MTUS2: variants seen among roughly 807,000 people sequenced by gnomAD.
MTUS2 encodes microtubule associated scaffold protein 2.
Under a neutral mutation model 114.1 loss-of-function variants are expected in MTUS2, and 40 were observed. That is an observed-to-expected ratio of 0.35 (90% CI 0.27 to 0.46). MTUS2 has a LOEUF of 0.46. Ranked by LOEUF, MTUS2 falls within the 20% of genes least tolerant of loss-of-function variation. The probability of loss-of-function intolerance (pLI) is 1.00; values close to 1 mark genes in which losing one functional copy is unlikely to be tolerated. For missense variants in MTUS2, 1,679 were observed against 1,705.4 expected (o/e 0.98, Z 0.27); for synonymous variants, 688 against 672.0 (o/e 1.02, Z -0.37).
At chr13:28,967,630 C>T (rs1285737564) in intron 2 of MTUS2, among the ~76,000 whole-genome samples, 4 of 152,134 alleles carry the variant, frequency 2.6e-5, no homozygotes, top group Non-Finnish European at 4.4e-5. Context: ...TGGGTCATAG[C>T]ATTAGACACT....
chr13:29,350,960 CATATAT>C (rs56192034), intron 7 of MTUS2, among the ~76,000 whole-genome samples: 72,829 of 128,582 alleles, frequency 0.57, 23,677 homozygotes, highest in East Asian at 0.83. Context: ...ATATATATTT[CATATAT>C]ATATATATAT....
intron 7 of MTUS2, among the ~76,000 whole-genome samples, chr13:29,325,510 AAGGAGG>A (rs1164932814): frequency 1.0e-4 from 12 of 119,208 alleles, no homozygotes; most frequent in African/African-American, 3.9e-4. Flanking sequence ...GGAGGAGGAG[AAGGAGG>A]AGGAGGAGGG....
At chr13:29,358,671 G>T (rs1374472051) in intron 7 of MTUS2, among the ~76,000 whole-genome samples, 1 of 152,180 alleles carries the variant, frequency 6.6e-6, no homozygotes, top group Non-Finnish European at 1.5e-5. Flanking sequence ...TGGAGGAGGC[G>T]TCAAGTCACA....
intron 2 of MTUS2, among the ~76,000 whole-genome samples, chr13:29,015,810 AT>A (rs1358336642): frequency 6.6e-6 from 1 of 152,168 alleles, no homozygotes; most frequent in Non-Finnish European, 1.5e-5. Flanking sequence ...AAAGTGAAAA[AT>A]TGGGGTTATA....
chr13:29,070,509 T>C (rs778749294), intron 4 of MTUS2, among the ~76,000 whole-genome samples: 36 of 152,160 alleles, frequency 2.4e-4, no homozygotes, highest in Non-Finnish European at 4.7e-4. Context: ...TATTCTTTTG[T>C]AGGTGATCTG....
At chr13:29,315,296 C>G (rs985946807) in intron 6 of MTUS2, among the ~76,000 whole-genome samples, 1 of 152,094 alleles carries the variant, frequency 6.6e-6, no homozygotes, top group Non-Finnish European at 1.5e-5. Context: ...TGCATATTTT[C>G]AAGTAGCTAG....
chr13:29,104,017 G>A (rs1222568339), intron 5 of MTUS2, among the ~76,000 whole-genome samples: 1 of 151,714 alleles, frequency 6.6e-6, no homozygotes, highest in East Asian at 1.9e-4. Flanking sequence ...ATGTGGAAAC[G>A]GGAGCCCCAT....
intron 2 of MTUS2, among the ~76,000 whole-genome samples, chr13:29,021,582 A>G (rs960597986): frequency 5.9e-5 from 9 of 152,186 alleles, no homozygotes; most frequent in African/African-American, 2.2e-4. Flanking sequence ...TCTTGGCTGC[A>G]TATTTATACT....
intron 8 of MTUS2, among the ~76,000 whole-genome samples, chr13:29,371,906 A>G (rs901880926): frequency 2.0e-5 from 3 of 151,098 alleles, no homozygotes; most frequent in Non-Finnish European, 4.4e-5. Context: ...CATGGTGATT[A>G]CAGTTAATAA....
intron 8 of MTUS2, among the ~76,000 whole-genome samples, chr13:29,375,905 G>A (rs1197266798): frequency 6.6e-5 from 10 of 151,578 alleles, no homozygotes; most frequent in African/African-American, 2.4e-4. Flanking sequence ...ACACTACTCA[G>A]GTGATGGGTG....
chr13:29,062,081 T>A (rs1888446540), intron 4 of MTUS2, among the ~76,000 whole-genome samples: 1 of 152,188 alleles, frequency 6.6e-6, no homozygotes, highest in African/African-American at 2.4e-5. Context: ...GCCTCCAGGA[T>A]TCAAGCAATT....
chr13:29,443,614 T>C (rs60701233), intron 9 of MTUS2, among the ~76,000 whole-genome samples: 7,324 of 152,312 alleles, frequency 0.048, 576 homozygotes, highest in African/African-American at 0.17. Context: ...GCACCCAGTC[T>C]GCAGCTGAGA....
At chr13:29,271,317 T>C (rs9314946) in intron 5 of MTUS2, among the ~76,000 whole-genome samples, 20 of 152,228 alleles carry the variant, frequency 1.3e-4, no homozygotes, top group Non-Finnish European at 2.6e-4. Context: ...TACTGTCTTC[T>C]TCCATCTATC....
At chr13:29,353,134 A>G (rs926052018) in intron 7 of MTUS2, among the ~76,000 whole-genome samples, 2 of 152,160 alleles carry the variant, frequency 1.3e-5, no homozygotes, top group Non-Finnish European at 2.9e-5. Flanking sequence ...GATGACAGGC[A>G]TTATGAATTT....
At chr13:29,466,679 C>CCAG (rs1470599812) in intron 9 of MTUS2, among the ~76,000 whole-genome samples, 1 of 151,890 alleles carries the variant, frequency 6.6e-6, no homozygotes, top group Non-Finnish European at 1.5e-5. Context: ...GAGTTCGAGA[C>CCAG]CAGCATAGGC....
chr13:29,211,261 G>T (rs963964057), intron 5 of MTUS2, among the ~76,000 whole-genome samples: 4 of 152,180 alleles, frequency 2.6e-5, no homozygotes, highest in African/African-American at 9.7e-5. Context: ...GGGGAAAGCT[G>T]GCAGTGACAG....
intron 5 of MTUS2, among the ~76,000 whole-genome samples, chr13:29,114,255 A>G (rs150826785): frequency 3.3e-4 from 50 of 152,280 alleles, no homozygotes; most frequent in African/African-American, 1.1e-3. Flanking sequence ...TGAAGATCTC[A>G]CGTTTTCACT....
chr13:29,097,829 C>T (rs1890242854), intron 4 of MTUS2, among the ~76,000 whole-genome samples: 1 of 152,194 alleles, frequency 6.6e-6, no homozygotes. Flanking sequence ...TGAATATCAT[C>T]ACATTGGAAG....
At chr13:29,124,037 T>C (rs61165441) in intron 5 of MTUS2, among the ~76,000 whole-genome samples, 2,944 of 152,334 alleles carry the variant, frequency 0.019, 104 homozygotes, top group African/African-American at 0.067. Flanking sequence ...TCTCCCTTGT[T>C]AATAAGGTAA....
Sources: allele counts gnomAD v4.1 joint callset (sites outside exome capture counted in the v4.1 genomes callset), GRCh38; gene constraint gnomAD v4.1.1; transcripts MANE v1.5; gene names NCBI Gene and HGNC (gene_info 2026-07-23, HGNC 2026-07-21).